RB1: variants seen among roughly 807,000 people sequenced by gnomAD.
RB1 encodes RB transcriptional corepressor 1.
A neutral mutation model predicts 135.4 loss-of-function variants in RB1; 18 were observed. The observed-to-expected ratio is 0.13, with a 90% CI of 0.09 to 0.20. The LOEUF (loss-of-function observed/expected upper bound fraction) is 0.20. RB1 is among the 10% of genes least tolerant of loss of function. RB1 has a pLI of 1.00. For synonymous variants in RB1, 365 were observed against 373.2 expected (o/e 0.98, Z 0.25); for missense variants, 868 against 1,110.0 (o/e 0.78, Z 3.10).
intron 2 of RB1, among the ~76,000 whole-genome samples, chr13:48,316,648 A>G (rs993339524): frequency 6.6e-6 from 1 of 150,624 alleles, no homozygotes; most frequent in African/African-American, 2.4e-5. Flanking sequence ...GCATTGTTTC[A>G]TGTTGGTGTA....
intron 17 of RB1, among the ~76,000 whole-genome samples, chr13:48,435,857 G>A (rs1194451058): frequency 6.6e-6 from 1 of 151,988 alleles, no homozygotes; most frequent in East Asian, 1.9e-4. Context: ...TGTCAAAAAG[G>A]GAACAAAGAA....
chr13:48,434,004 A>G (rs985418808), intron 17 of RB1, among the ~76,000 whole-genome samples: 5 of 152,030 alleles, frequency 3.3e-5, no homozygotes, highest in African/African-American at 1.2e-4. Context: ...GATTATAGGC[A>G]TGAGCCACTG....
intron 2 of RB1, among the ~76,000 whole-genome samples, chr13:48,334,790 G>T (rs1952368538): frequency 6.6e-6 from 1 of 152,004 alleles, no homozygotes; most frequent in Non-Finnish European, 1.5e-5. Context: ...ACTAATTAGG[G>T]GTTATCATTA....
At position 48,476,767 on chromosome 13, in the gene RB1, G is replaced by A. The variant is rs1949506505; in HGVS notation, c.2587G>A (p.Ala863Thr). 1 of 1,613,658 alleles carries A rather than the reference G, an allele frequency of 6.2e-7. No homozygotes were observed. The highest frequency in any genetic ancestry group is 8.5e-7 in the Non-Finnish European group (1 of 1,179,656). Reference sequence around the variant, plus strand: ...CAGCGACCGTGTGCTCAAAAGAAGTGCTGAAGGAAGCAACCCTCCTAAACC... The same window carrying A: ...CAGCGACCGTGTGCTCAAAAGAAGTACTGAAGGAAGCAACCCTCCTAAACC... ...CNSDRVLKRS[A>T]EGSNPPKPLK... Residue 863 changes from alanine to threonine, a missense_variant, in exon 25 of 27, where the codon GCT becomes ACT. Physicochemically the swap from Ala to Thr is moderately conservative, Grantham distance 58. Around this residue, in one of 3 missense-constraint regions of RB1, gnomAD observed 196 missense variants for 239.8 expected, o/e 0.82. Transcript: ENST00000267163.
chr13:48,405,723 A>G (rs1220294938), intron 17 of RB1, among the ~76,000 whole-genome samples: 4 of 152,242 alleles, frequency 2.6e-5, no homozygotes, highest in Non-Finnish European at 5.9e-5. Flanking sequence ...AGTCGTAACT[A>G]TACAAAAAGG....
intron 2 of RB1, among the ~76,000 whole-genome samples, chr13:48,337,568 T>G (rs1242260605): frequency 6.6e-6 from 1 of 152,226 alleles, no homozygotes; most frequent in African/African-American, 2.4e-5. Flanking sequence ...TGAGCCTATG[T>G]GTGTCTCTGC....
At chr13:48,409,570 ATTTTTTTTTTTTTTT>A (rs5803435) in intron 17 of RB1, among the ~76,000 whole-genome samples, 2 of 59,668 alleles carry the variant, frequency 3.4e-5, no homozygotes, top group Non-Finnish European at 5.8e-5. Context: ...GAACTGCTTG[ATTTTTTTTTTTTTTT>A]TTTTTTTTTT....
chr13:48,365,059 G>C, intron 9 of RB1, 88 bp downstream of exon 9: 1 of 1,431,778 alleles, frequency 7.0e-7, no homozygotes, highest in South Asian at 1.4e-5. Flanking sequence ...TCAATTTACT[G>C]TGTATCACAT....
At chr13:48,415,200 T>G (rs1948887590) in intron 17 of RB1, among the ~76,000 whole-genome samples, 1 of 152,154 alleles carries the variant, frequency 6.6e-6, no homozygotes, top group Non-Finnish European at 1.5e-5. Flanking sequence ...ACTTGGAATA[T>G]TTTTCTACAT....
rs1473909228 is a variant in RB1, at chr13:48,379,578, T to C, written c.1333-16T>C. ...TAAAATAGCAGGCTCTTATTTTTCT[T>C]TTTGTTTGTTTGTAGCGATACAAAC... is the stretch of plus-strand genomic sequence containing the variant. On this transcript the variant is annotated splice_polypyrimidine_tract_variant and intron_variant, in intron 13 of 26. Transcript: ENST00000267163. The C allele has an allele frequency of 2.3e-5, 37 of 1,610,292 alleles. No homozygotes were observed. Among genetic ancestry groups the C allele is most frequent in the Non-Finnish European group, 2.9e-5 (34 of 1,178,924 alleles).
At chr13:48,313,780 G>T (rs1243281300) in intron 2 of RB1, among the ~76,000 whole-genome samples, 1 of 112,898 alleles carries the variant, frequency 8.9e-6, no homozygotes, top group East Asian at 2.8e-4. Flanking sequence ...ACGGAGTCTC[G>T]CTCTGTCGCC....
intron 6 of RB1, 62 bp from the exon 7 acceptor site, chr13:48,359,955 T>C (rs889167706): frequency 6.3e-7 from 1 of 1,597,962 alleles, no homozygotes; most frequent in Non-Finnish European, 8.5e-7. Context: ...TACCCTGCGA[T>C]TTTCTCTCAT....
intron 17 of RB1, among the ~76,000 whole-genome samples, chr13:48,436,633 G>A (rs956431499): frequency 6.9e-6 from 1 of 145,752 alleles, no homozygotes; most frequent in African/African-American, 2.5e-5. Flanking sequence ...ACAAGAGCAA[G>A]ACTCTCTCTT....
At chr13:48,433,002 CTTTT>C (rs1453402087) in intron 17 of RB1, among the ~76,000 whole-genome samples, 1 of 152,022 alleles carries the variant, frequency 6.6e-6, no homozygotes, top group African/African-American at 2.4e-5. Context: ...ACTGCTCTTT[CTTTT>C]TATGTGCTCT....
At chr13:48,344,001 G>T (rs1400705359) in intron 3 of RB1, among the ~76,000 whole-genome samples, 1 of 152,090 alleles carries the variant, frequency 6.6e-6, no homozygotes, top group East Asian at 1.9e-4. Context: ...ATAACTCATT[G>T]GTTGCTGGAC....
At chr13:48,431,221 T>A (rs949301776) in intron 17 of RB1, among the ~76,000 whole-genome samples, 1 of 152,176 alleles carries the variant, frequency 6.6e-6, no homozygotes, top group African/African-American at 2.4e-5. Context: ...TAAAAGTGGT[T>A]CTCAGTTTTA....
chr13:48,369,345 T>A (rs1333130555), intron 11 of RB1, among the ~76,000 whole-genome samples: 1 of 152,188 alleles, frequency 6.6e-6, no homozygotes, highest in Non-Finnish European at 1.5e-5. Context: ...AAGACATTGT[T>A]CTCTTTCTCT....
chr13:48,355,238 G>C (rs9568035), intron 6 of RB1, among the ~76,000 whole-genome samples: 31,883 of 151,850 alleles, frequency 0.21, 3,491 homozygotes, highest in South Asian at 0.26. Flanking sequence ...CTAATAATCT[G>C]ACCAAAAAAT....
At chr13:48,363,953 GA>G (rs1160492910) in intron 8 of RB1, among the ~76,000 whole-genome samples, 3 of 152,112 alleles carry the variant, frequency 2.0e-5, no homozygotes, top group African/African-American at 7.2e-5. Context: ...ACTAACACCA[GA>G]TAGCAGTAAA....
Sources: allele counts gnomAD v4.1 joint callset (sites outside exome capture counted in the v4.1 genomes callset), GRCh38; gene constraint gnomAD v4.1.1; regional missense constraint gnomAD v4.1.1; transcripts MANE v1.5; gene names NCBI Gene and HGNC (gene_info 2026-07-23, HGNC 2026-07-21).